The following FREM2 variants were observed in gnomAD, a reference collection of about 807,000 sequenced individuals.
The protein encoded by FREM2 is FRAS1 related extracellular matrix 2.
Under a neutral mutation model 219.9 loss-of-function variants are expected in FREM2, and 119 were observed. The observed-to-expected ratio is 0.54, with a 90% CI of 0.47 to 0.63. The LOEUF (loss-of-function observed/expected upper bound fraction) is 0.63. FREM2 is among the 30% of genes least tolerant of loss of function. The pLI is 0.00. For missense variants in FREM2, 4,030 were observed against 3,993.6 expected (o/e 1.01, Z -0.25); for synonymous variants, 1,562 against 1,522.8 (o/e 1.03, Z -0.60).
At chr13:38,865,596 T>C (rs1877934165) in intron 16 of FREM2, among the ~76,000 whole-genome samples, 1 of 152,226 alleles carries the variant, frequency 6.6e-6, no homozygotes, top group Non-Finnish European at 1.5e-5. Flanking sequence ...AAAAACTAGA[T>C]AACTAGTATG....
intron 2 of FREM2, among the ~76,000 whole-genome samples, chr13:38,706,112 C>G (rs554547893): frequency 6.6e-6 from 1 of 152,328 alleles, no homozygotes; most frequent in South Asian, 2.1e-4. Flanking sequence ...ATCTCTGAAG[C>G]TCAGCCTGCA....
At chr13:38,783,561 G>A (rs1225819497) in intron 5 of FREM2, among the ~76,000 whole-genome samples, 1 of 150,222 alleles carries the variant, frequency 6.7e-6, no homozygotes, top group East Asian at 2.0e-4. Context: ...TCATTTCAAA[G>A]AAATATCAAA....
chr13:38,773,937 A>G (rs1383267358), intron 4 of FREM2, among the ~76,000 whole-genome samples: 1 of 151,806 alleles, frequency 6.6e-6, no homozygotes, highest in Non-Finnish European at 1.5e-5. Context: ...CAAGTCACCC[A>G]ACTAATAAGT....
chr13:38,809,053 TA>T (rs1875368744), intron 6 of FREM2, among the ~76,000 whole-genome samples: 1 of 151,920 alleles, frequency 6.6e-6, no homozygotes, highest in Non-Finnish European at 1.5e-5. Context: ...TATGTCCTGT[TA>T]AGTTCCATAG....
chr13:38,823,075 C>G (rs1031653889), intron 6 of FREM2, among the ~76,000 whole-genome samples: 1 of 152,042 alleles, frequency 6.6e-6, no homozygotes, highest in Non-Finnish European at 1.5e-5. Flanking sequence ...CTTGCCCTAC[C>G]CTGTTTTATT....
At chr13:38,708,217 T>C (rs1264712662) in intron 2 of FREM2, among the ~76,000 whole-genome samples, 1 of 152,244 alleles carries the variant, frequency 6.6e-6, no homozygotes, top group Non-Finnish European at 1.5e-5. Flanking sequence ...CCTCAGTGCC[T>C]GAGTACATAT....
Position 38,691,291 on chromosome 13 carries a change from T to A in FREM2, c.3947T>A (p.Ile1316Asn). The stretch of plus-strand genomic sequence containing the variant: ...ATCAATAATGGACTAGAAATAGAAA[T>A]TGGGGATACCAAGATTATCAACAAC... Reference protein sequence around the residue: ...MTINNGLEIEIGDTKIINNKI... With the variant: ...MTINNGLEIENGDTKIINNKI... The change falls in exon 1 of 24, where the codon ATT becomes AAT. Residue 1316 changes from isoleucine (I) to asparagine (N), a missense_variant. By Grantham distance (149) the Ile-to-Asn change is moderately radical. This residue lies in a region of FREM2 where 3,102 missense variants were observed against 2,950.7 expected (regional missense o/e 1.05). Transcript: ENST00000280481. 2 of 1,613,986 alleles carry A rather than the reference T, an allele frequency of 1.2e-6. No individual in the cohort carries two copies. The highest frequency in any genetic ancestry group is 1.7e-6 in the Non-Finnish European group (2 of 1,179,886).
chr13:38,878,971 C>A lies in FREM2; in HGVS notation c.9000C>A (p.Leu3000=). The A allele has an allele frequency of 6.2e-7, 1 of 1,614,168 alleles. No individual in the cohort carries two copies. The part of the protein sequence containing the change: ...SDGFKVDSTP[L]FQVALGREWY... The stretch of plus-strand genomic sequence containing the variant: ...GATTTAAAGTCGACTCAACACCACT[C>A]TTTCAGGTAGGCCAAAAACAAGCTC... Residue 3000 remains leucine (L), a synonymous_variant, in exon 23 of 24, where the codon CTC becomes CTA. Coordinates refer to ENST00000280481, the MANE Select transcript of FREM2 (RefSeq NM_207361.6).
chr13:38,816,900 A>T (rs1158352574), intron 6 of FREM2, among the ~76,000 whole-genome samples: 2 of 152,274 alleles, frequency 1.3e-5, no homozygotes, highest in East Asian at 3.9e-4. Flanking sequence ...ACATACAAAA[A>T]TCAGTAGCAT....
intron 2 of FREM2, among the ~76,000 whole-genome samples, chr13:38,718,034 A>G (rs913237510): frequency 2.0e-5 from 3 of 152,222 alleles, no homozygotes; most frequent in Non-Finnish European, 4.4e-5. Flanking sequence ...ACAATTAGCA[A>G]TTAGCAATTA....
intron 9 of FREM2, 116 bp from the exon 10 acceptor site, chr13:38,850,828 A>G: frequency 8.8e-7 from 1 of 1,137,576 alleles, no homozygotes; most frequent in Non-Finnish European, 1.3e-6. Context: ...GCCAAACACT[A>G]TTTATTGCAC....
intron 13 of FREM2, among the ~76,000 whole-genome samples, chr13:38,858,692 AG>A (rs779246724): frequency 1.3e-5 from 2 of 152,194 alleles, no homozygotes; most frequent in Non-Finnish European, 2.9e-5. Flanking sequence ...TGAGTCAACA[AG>A]GCAGAGATAA....
chr13:38,862,099 T>C (rs897131746), intron 15 of FREM2, among the ~76,000 whole-genome samples: 3 of 152,272 alleles, frequency 2.0e-5, no homozygotes, highest in African/African-American at 7.2e-5. Context: ...ACTTTATGAA[T>C]ATTTTACCAT....
chr13:38,763,046 T>G (rs1014445876), intron 2 of FREM2, among the ~76,000 whole-genome samples: 3 of 152,196 alleles, frequency 2.0e-5, no homozygotes, highest in Non-Finnish European at 4.4e-5. Flanking sequence ...CTGCTTCTCT[T>G]AAAGCAAAAA....
intron 16 of FREM2, among the ~76,000 whole-genome samples, chr13:38,868,241 T>C (rs930012936): frequency 2.6e-5 from 4 of 152,234 alleles, no homozygotes; most frequent in Admixed American, 1.3e-4. Flanking sequence ...TTTTGGCTTA[T>C]AGTGAAGAGA....
At chr13:38,786,723 A>G (rs1874346046) in intron 6 of FREM2, among the ~76,000 whole-genome samples, 1 of 152,172 alleles carries the variant, frequency 6.6e-6, no homozygotes, top group Non-Finnish European at 1.5e-5. Context: ...TATGGGATGC[A>G]CATGCAGAAA....
chr13:38,879,409 G>A (rs1878464500), intron 23 of FREM2, among the ~76,000 whole-genome samples: 1 of 152,124 alleles, frequency 6.6e-6, no homozygotes, highest in African/African-American at 2.4e-5. Context: ...ACTCAGGAAA[G>A]CAATTGTGCA....
chr13:38,797,534 C>G (rs539795804), intron 6 of FREM2, among the ~76,000 whole-genome samples: 3 of 152,096 alleles, frequency 2.0e-5, no homozygotes, highest in African/African-American at 7.2e-5. Flanking sequence ...TAGTTTGCAA[C>G]TATTTTCTCC....
rs10661426 is a variant in FREM2, at chr13:38,753,973, T to TTTTTATTTTATTTTATTTTATTTTA, written c.5264-10307_5264-10306insATTTTATTTTATTTTATTTTATTTT. Among the ~76,000 whole-genome samples, 342 of 148,486 alleles carry TTTTTATTTTATTTTATTTTATTTTA rather than the reference T, an allele frequency of 2.3e-3. 2 individuals carry two copies. Among genetic ancestry groups the TTTTTATTTTATTTTATTTTATTTTA allele is most frequent in the East Asian group, 8.5e-3 (43 of 5,052 alleles). ...ACACATTCTTTTTATTTTATTTTAT[T>TTTTTATTTTATTTTATTTTATTTTA]TTTTATTTTATTTTATTTTATTTTT... On this transcript the variant is annotated intron_variant, in intron 2 of 23. Coordinates refer to ENST00000280481, the MANE Select transcript of FREM2 (RefSeq NM_207361.6).
Sources: gnomAD v4.1 joint callset for allele counts (sites outside exome capture counted in the v4.1 genomes callset) on GRCh38, gnomAD v4.1.1 for gene constraint, gnomAD v4.1.1 regional missense constraint, MANE v1.5 for transcripts, NCBI Gene and HGNC (gene_info 2026-07-23, HGNC 2026-07-21) for gene names.